Variants in ERC1 observed in about 807,000 individuals in gnomAD.
The protein encoded by ERC1 is ELKS/RAB6-interacting/CAST family member 1.
In ERC1, 56 loss-of-function variants were observed where a neutral mutation model predicts 132.0. That is an observed-to-expected ratio of 0.42 (90% CI 0.34 to 0.53). The LOEUF is 0.53. Ranked by LOEUF, ERC1 falls within the 20% of genes least tolerant of loss-of-function variation. The pLI is 0.03. For synonymous variants in ERC1, 478 were observed against 476.1 expected, an observed-to-expected ratio of 1.00 and a Z score of -0.05; for missense variants, 1,202 against 1,349.9, an observed-to-expected ratio of 0.89 and a Z score of 1.72.
intron 15 of ERC1, among the ~76,000 whole-genome samples, chr12:1,347,459 A>G (rs1347413493): frequency 6.6e-6 from 1 of 152,176 alleles, no homozygotes; most frequent in African/African-American, 2.4e-5. Flanking sequence ...ATTATCTCAC[A>G]TGCTTGTCAT....
intron 3 of ERC1, among the ~76,000 whole-genome samples, chr12:1,103,935 C>T (rs974231536): frequency 2.6e-5 from 4 of 152,088 alleles, no homozygotes; most frequent in African/African-American, 9.7e-5. Flanking sequence ...GGGAGAGAGG[C>T]AGCAGAAAGC....
intron 16 of ERC1, among the ~76,000 whole-genome samples, chr12:1,391,984 C>G (rs1405997527): frequency 6.6e-6 from 1 of 151,962 alleles, no homozygotes; most frequent in African/African-American, 2.4e-5. Context: ...GTGTATAGTT[C>G]TTGTTGTACT....
chr12:1,376,508 C>T (rs1481890520), intron 16 of ERC1, among the ~76,000 whole-genome samples: 2 of 152,216 alleles, frequency 1.3e-5, no homozygotes, highest in African/African-American at 2.4e-5. Flanking sequence ...ACTTGACTGT[C>T]GTGCGCAGGG....
intron 13 of ERC1, among the ~76,000 whole-genome samples, chr12:1,260,476 A>G (rs180923655): frequency 6.6e-6 from 1 of 152,302 alleles, no homozygotes; most frequent in Admixed American, 6.5e-5. Context: ...GATTATAAAT[A>G]TTACCTAGCA....
intron 16 of ERC1, among the ~76,000 whole-genome samples, chr12:1,396,739 C>T (rs915304968): frequency 4.9e-4 from 75 of 152,016 alleles, no homozygotes; most frequent in African/African-American, 1.6e-3. Flanking sequence ...GGCTAGCAGA[C>T]GTAGTTATGA....
intron 12 of ERC1, among the ~76,000 whole-genome samples, chr12:1,198,156 G>C (rs1204907333): frequency 1.3e-5 from 2 of 152,008 alleles, no homozygotes; most frequent in Non-Finnish European, 2.9e-5. Flanking sequence ...TCGAACTCCT[G>C]GGCTCAAGTG....
chr12:1,321,405 C>G (rs1377631060), intron 15 of ERC1, among the ~76,000 whole-genome samples: 1 of 152,076 alleles, frequency 6.6e-6, no homozygotes, highest in African/African-American at 2.4e-5. Flanking sequence ...TAGCAATTGC[C>G]TGTTGTATTC....
At chr12:1,336,561 G>A (rs1486162727) in intron 15 of ERC1, among the ~76,000 whole-genome samples, 1 of 152,090 alleles carries the variant, frequency 6.6e-6, no homozygotes, top group Non-Finnish European at 1.5e-5. Context: ...GTATGGTTTC[G>A]AGCAAAATTC....
chr12:1,293,512 C>T (rs1233128412), intron 15 of ERC1, among the ~76,000 whole-genome samples: 2 of 126,902 alleles, frequency 1.6e-5, no homozygotes, highest in Admixed American at 7.7e-5. Flanking sequence ...GCCTGTAATC[C>T]CAGCTACTCA....
intron 14 of ERC1, among the ~76,000 whole-genome samples, chr12:1,285,670 A>C (rs1020234185): frequency 6.6e-6 from 1 of 152,220 alleles, no homozygotes; most frequent in Admixed American, 6.5e-5. Context: ...TTTTCCTACA[A>C]ATTTCAAGCC....
At chr12:1,208,837 C>T (rs1957578772) in intron 12 of ERC1, among the ~76,000 whole-genome samples, 1 of 152,110 alleles carries the variant, frequency 6.6e-6, no homozygotes, top group Non-Finnish European at 1.5e-5. Context: ...GGCTGGAGTG[C>T]AGTGGCGCAA....
At chr12:1,337,230 C>CT (rs1471449118) in intron 15 of ERC1, among the ~76,000 whole-genome samples, 5 of 152,006 alleles carry the variant, frequency 3.3e-5, no homozygotes, top group Non-Finnish European at 7.4e-5. Context: ...CCGGGTGCTC[C>CT]TGTGTCAGGT....
At chr12:1,011,765 G>A (rs1964717678) in intron 1 of ERC1, among the ~76,000 whole-genome samples, 1 of 152,084 alleles carries the variant, frequency 6.6e-6, no homozygotes, top group Non-Finnish European at 1.5e-5. Flanking sequence ...TAGCTAACAT[G>A]GTGAAACCCT....
At chr12:1,287,819 G>A (rs2079141316) in intron 14 of ERC1, among the ~76,000 whole-genome samples, 1 of 152,192 alleles carries the variant, frequency 6.6e-6, no homozygotes, top group South Asian at 2.1e-4. Context: ...TCATGAGCCA[G>A]TTTCTTATAA....
chr12:1,489,158 C>T (rs1055791754), intron 18 of ERC1, among the ~76,000 whole-genome samples: 19 of 152,204 alleles, frequency 1.2e-4, no homozygotes, highest in African/African-American at 4.6e-4. Context: ...TACATTCCTG[C>T]CATCCTGAGG....
intron 7 of ERC1, among the ~76,000 whole-genome samples, chr12:1,138,124 ATAT>A (rs1484913947): frequency 1.7e-4 from 21 of 121,150 alleles, no homozygotes; most frequent in East Asian, 4.4e-4. Context: ...TATTTAATAC[ATAT>A]TATATATAAT....
chr12:1,293,509 A>G (rs12424568), intron 15 of ERC1, among the ~76,000 whole-genome samples: 11 of 85,826 alleles, frequency 1.3e-4, no homozygotes, highest in African/African-American at 2.6e-4. Context: ...TGCGCCTGTA[A>G]TCCCAGCTAC....
intron 1 of ERC1, among the ~76,000 whole-genome samples, chr12:1,009,611 C>T (rs1432143199): frequency 3.7e-5 from 1 of 27,316 alleles, no homozygotes; most frequent in Non-Finnish European, 7.4e-5. Context: ...GCATATAATA[C>T]GTATTTCTTT....
intron 16 of ERC1, among the ~76,000 whole-genome samples, chr12:1,375,858 T>G (rs886971521): frequency 1.7e-4 from 25 of 148,466 alleles, no homozygotes; most frequent in African/African-American, 6.2e-4. Context: ...TGCCTCAGCC[T>G]CCCGAGTAGC....
Sources: gnomAD v4.1 joint callset for allele counts (sites outside exome capture counted in the v4.1 genomes callset) on GRCh38, gnomAD v4.1.1 for gene constraint, MANE v1.5 for transcripts, NCBI Gene and HGNC (gene_info 2026-07-23, HGNC 2026-07-21) for gene names.